The following SETD9 variants were observed in gnomAD, a reference collection of about 807,000 sequenced individuals.
SETD9 encodes SET domain-containing protein 9.
In SETD9, 37 loss-of-function variants were observed where a neutral mutation model predicts 36.4. The ratio of observed to expected loss-of-function variants is 1.02; its 90% CI spans 0.78 to 1.34. SETD9 has a LOEUF of 1.34. Among genes scored for constraint, SETD9 ranks in the 40% most tolerant of loss-of-function variants. The pLI, the probability that SETD9 is intolerant of heterozygous loss-of-function variation, is 0.00. For synonymous variants in SETD9, 128 were observed against 132.9 expected (o/e 0.96, Z 0.26); for missense variants, 323 against 353.2 (o/e 0.91, Z 0.69).
At chr5:56,925,456 A>G (rs942105673) in exon 6 of SETD9, 2 of 352,218 alleles carry the variant, frequency 5.7e-6, no homozygotes, top group Non-Finnish European at 1.1e-5. Context: ...GCTTTCCTAT[A>G]TAACAGCAAT....
At chr5:56,919,674 C>CA (rs960692423), downstream of SETD9, 6 of 152,450 alleles carry the variant, frequency 3.9e-5, no homozygotes, top group Non-Finnish European at 8.8e-5. Context: ...AAATAATGCT[C>CA]AAAAAAATCA....
intron 5 of SETD9, chr5:56,924,075 C>T (rs778642211): frequency 6.3e-7 from 1 of 1,587,644 alleles, no homozygotes; most frequent in East Asian, 2.2e-5. Context: ...AAAAAACCAA[C>T]AAACTCAACC....
chr5:56,922,324 G>A (rs560147377), downstream of SETD9: 26 of 152,550 alleles, frequency 1.7e-4, no homozygotes, highest in African/African-American at 6.3e-4. Flanking sequence ...CCCCATCTGA[G>A]TACCACATCT....
At chr5:56,919,318 G>T (rs975842739), downstream of SETD9, among the ~76,000 whole-genome samples, 1 of 151,974 alleles carries the variant, frequency 6.6e-6, no homozygotes, top group African/African-American at 2.4e-5. Flanking sequence ...TAGAGACGGG[G>T]TTTCACTATG....
At chr5:56,916,786 C>T (rs370102092) in intron 5 of SETD9, 29 bp from the exon 6 acceptor site, 49 of 1,593,326 alleles carry the variant, frequency 3.1e-5, no homozygotes, top group Non-Finnish European at 3.8e-5. Context: ...TGTTAATGCT[C>T]TACCTTTTGT....
At chr5:56,912,727 G>GTA (rs1053156492) in intron 2 of SETD9, among the ~76,000 whole-genome samples, 7 of 152,024 alleles carry the variant, frequency 4.6e-5, no homozygotes, top group South Asian at 2.1e-4. Flanking sequence ...ATGTGTGTGT[G>GTA]TATATATATA....
intron 5 of SETD9, chr5:56,923,861 G>T (rs371103463): frequency 1.2e-6 from 2 of 1,614,008 alleles, no homozygotes; most frequent in Non-Finnish European, 1.7e-6. Flanking sequence ...GTAATTTTAT[G>T]ACTATATATT....
chr5:56,917,019 A>G lies in SETD9; in HGVS notation c.*117A>G. The stretch of plus-strand genomic sequence containing the variant: ...AAATATTTTGAGACTTAATTGGAAT[A>G]GGAATTTCTTATGTTTTTGTTGATA... On this transcript the variant is annotated 3_prime_UTR_variant, in exon 6 of 6. Transcript: ENST00000285947. The G allele has an allele frequency of 7.3e-7, 1 of 1,363,776 alleles. No individual in the cohort carries two copies. The highest frequency in any genetic ancestry group is 9.4e-7 in the Non-Finnish European group (1 of 1,062,764). 84.5% of individuals were successfully genotyped at this position (1,363,776 alleles called of 1,614,324 possible).
chr5:56,914,738 AG>A (rs1749340072), intron 4 of SETD9, 122 bp from the exon 5 acceptor site: 1 of 482,774 alleles, frequency 2.1e-6, no homozygotes, highest in Non-Finnish European at 3.5e-6. Flanking sequence ...GGAACATAGT[AG>A]TAATTATTTT....
chr5:56,913,794 T>G, intron 3 of SETD9, 80 bp from the exon 4 acceptor site: 5 of 699,378 alleles, frequency 7.1e-6, no homozygotes, highest in Non-Finnish European at 1.2e-5. Context: ...AAAAATGCAC[T>G]GGTGTAATTC....
intron 1 of SETD9, chr5:56,910,386 CGGATTGGG>C: frequency 7.7e-7 from 1 of 1,303,972 alleles, no homozygotes; most frequent in Non-Finnish European, 1.0e-6. Flanking sequence ...TGGTGGGTTT[CGGATTGGG>C]GTGAGTCCCG....
intron 1 of SETD9, chr5:56,910,080 C>T (rs536663068): frequency 5.6e-5 from 70 of 1,258,630 alleles, no homozygotes; most frequent in East Asian, 3.6e-4. Flanking sequence ...GCTCGCCAGC[C>T]GGATGTGTCG....
chr5:56,927,924 T>C (rs1379040308), downstream of SETD9: 1 of 152,212 alleles, frequency 6.6e-6, no homozygotes, highest in African/African-American at 2.4e-5. Flanking sequence ...ATTGTTTCCA[T>C]AGTTTTGCTT....
At chr5:56,922,772 G>GTA in intron 5 of SETD9, 5 of 234,224 alleles carry the variant, frequency 2.1e-5, no homozygotes, top group Admixed American at 1.0e-4. Flanking sequence ...TTGAGCTGGT[G>GTA]GCCTCTGTCT....
At chr5:56,909,852 TG>T in intron 1 of SETD9, 109 bp downstream of exon 1, 1 of 296,342 alleles carries the variant, frequency 3.4e-6, no homozygotes, top group Non-Finnish European at 4.5e-6. Context: ...CGGCCTGAGA[TG>T]GGCGGGCCCG....
chr5:56,924,098 A>C (rs999574915), intron 5 of SETD9: 2 of 1,572,268 alleles, frequency 1.3e-6, no homozygotes, highest in East Asian at 4.5e-5. Flanking sequence ...TTTTTTAAGC[A>C]ACTTTTCTTT....
chr5:56,925,880 T>TG (rs1031361202), downstream of SETD9, among the ~76,000 whole-genome samples: 19 of 150,872 alleles, frequency 1.3e-4, no homozygotes, highest in Non-Finnish European at 1.8e-4. Context: ...AGTATGGTAT[T>TG]GGGGGGGTGG....
chr5:56,910,967 T>TACTG, intron 1 of SETD9: 1 of 449,070 alleles, frequency 2.2e-6, no homozygotes, highest in South Asian at 4.1e-5. Context: ...CTTTCATAAG[T>TACTG]ACTGACTACT....
chr5:56,925,238 A>G (rs1413146620), intron 5 of SETD9: 2 of 364,216 alleles, frequency 5.5e-6, no homozygotes, highest in Non-Finnish European at 1.1e-5. Context: ...TTTCAACATC[A>G]ATACTGGAAG....
Sources: allele counts gnomAD v4.1 joint callset (sites outside exome capture counted in the v4.1 genomes callset), GRCh38; gene constraint gnomAD v4.1.1; transcripts MANE v1.5; gene names NCBI Gene and HGNC (gene_info 2026-07-23, HGNC 2026-07-21).